The following ITSN1 variants were observed in gnomAD, a reference collection of about 807,000 sequenced individuals.
ITSN1 encodes intersectin 1.
A neutral mutation model predicts 239.8 loss-of-function variants in ITSN1; 58 were observed. The observed-to-expected ratio is 0.24, with a 90% CI of 0.20 to 0.30. The LOEUF is 0.30. Among genes scored for constraint, ITSN1 ranks in the 10% least tolerant of loss-of-function variants. ITSN1 has a pLI of 1.00. For missense variants in ITSN1, 1,558 were observed against 2,103.3 expected (o/e 0.74, Z 5.07); for synonymous variants, 780 against 770.8 (o/e 1.01, Z -0.20).
At chr21:33,686,345 A>AAT (rs1283806275) in intron 1 of ITSN1, among the ~76,000 whole-genome samples, 7 of 152,074 alleles carry the variant, frequency 4.6e-5, no homozygotes, top group South Asian at 4.1e-4. Context: ...TGTCACTAGA[A>AAT]ATATATATAT....
chr21:33,682,547 A>G (rs2146538892), intron 1 of ITSN1, among the ~76,000 whole-genome samples: 1 of 148,508 alleles, frequency 6.7e-6, no homozygotes, highest in African/African-American at 2.5e-5. Context: ...TTTTTTTGAG[A>G]TGGAGCCTCT....
At chr21:33,802,512 A>G (rs776725198) in intron 20 of ITSN1, 68 bp downstream of exon 20, 4 of 1,505,538 alleles carry the variant, frequency 2.7e-6, no homozygotes, top group Non-Finnish European at 3.7e-6. Context: ...AGTCACTTGA[A>G]TTCTGTGTAA....
chr21:33,667,393 G>A (rs142382839), intron 1 of ITSN1, among the ~76,000 whole-genome samples: 2 of 152,014 alleles, frequency 1.3e-5, no homozygotes, highest in African/African-American at 2.4e-5. Context: ...TGCCAATAAT[G>A]AAAAAGCATA....
Position 33,840,159 on chromosome 21 carries a change from A to G in ITSN1, c.3661+3527A>G, listed in dbSNP as rs1462142304. Among the ~76,000 whole-genome samples the G allele has an allele frequency of 3.9e-5, 6 of 152,288 alleles. No homozygotes were observed. The East Asian group carries it at 7.7e-4, about 20-fold the overall frequency. On this transcript the variant is annotated intron_variant, in intron 29 of 39. Coordinates refer to ENST00000381318, the MANE Select transcript of ITSN1 (RefSeq NM_003024.3). ...TTTCAAAATCTTATTCTTGTTTATT[A>G]TCCCCCATACTCTGCACTTTGGTAC...
chr21:33,662,485 T>TA (rs2089635206), intron 1 of ITSN1, among the ~76,000 whole-genome samples: 1 of 152,068 alleles, frequency 6.6e-6, no homozygotes, highest in Non-Finnish European at 1.5e-5. Flanking sequence ...GGTGATGGGG[T>TA]ATTGCCTTTT....
intron 31 of ITSN1, among the ~76,000 whole-genome samples, chr21:33,860,921 C>T (rs1450079654): frequency 6.6e-6 from 1 of 152,158 alleles, no homozygotes; most frequent in Non-Finnish European, 1.5e-5. Flanking sequence ...GTCCCAGGGG[C>T]ACGCCGTCCA....
chr21:33,857,117 G>A (rs2148478368), intron 30 of ITSN1, among the ~76,000 whole-genome samples: 1 of 152,284 alleles, frequency 6.6e-6, no homozygotes, highest in East Asian at 1.9e-4. Flanking sequence ...GCAGTTGATG[G>A]ATGGAGTCAT....
chr21:33,802,307 T>G, intron 19 of ITSN1, 123 bp from the exon 20 acceptor site: 1 of 913,586 alleles, frequency 1.1e-6, no homozygotes, highest in East Asian at 2.6e-5. Flanking sequence ...AACCTTTTCC[T>G]CGAATTGGCT....
chr21:33,760,186 A>G (rs2068206221), intron 8 of ITSN1, among the ~76,000 whole-genome samples: 1 of 152,166 alleles, frequency 6.6e-6, no homozygotes, highest in South Asian at 2.1e-4. Flanking sequence ...TACACTCCAT[A>G]GCAGTGAGGA....
intron 16 of ITSN1, among the ~76,000 whole-genome samples, chr21:33,783,301 T>A (rs912895090): frequency 1.3e-5 from 2 of 152,252 alleles, no homozygotes; most frequent in Non-Finnish European, 2.9e-5. Flanking sequence ...GAAACTTTTA[T>A]AATAGTTGAC....
At chr21:33,737,726 G>A (rs908955381) in intron 5 of ITSN1, among the ~76,000 whole-genome samples, 4 of 151,886 alleles carry the variant, frequency 2.6e-5, no homozygotes, top group East Asian at 2.0e-4. Context: ...GGGACATGCC[G>A]CAACACCCAG....
chr21:33,662,350 A>G (rs2089623742), intron 1 of ITSN1, among the ~76,000 whole-genome samples: 1 of 152,158 alleles, frequency 6.6e-6, no homozygotes, highest in South Asian at 2.1e-4. Flanking sequence ...AAAGTTCCGA[A>G]TTTACAAATC....
chr21:33,875,350 G>A lies in ITSN1; in HGVS notation c.4174-4G>A. 2 of 1,614,098 alleles carry A rather than the reference G, an allele frequency of 1.2e-6. No individual in the cohort carries two copies. Among genetic ancestry groups the A allele is most frequent in the East Asian group, 4.5e-5 (2 of 44,876 alleles). Reference sequence around the variant, plus strand: ...GAGGTGGTTGTTTTTATTCTCCTGTGTAGATCCTGGAAAACACCCCTGAAA... The same window carrying A: ...GAGGTGGTTGTTTTTATTCTCCTGTATAGATCCTGGAAAACACCCCTGAAA... On this transcript the variant is annotated splice_polypyrimidine_tract_variant and splice_region_variant and intron_variant, in intron 33 of 39. Coordinates refer to ENST00000381318, the MANE Select transcript of ITSN1 (RefSeq NM_003024.3).
chr21:33,772,055 C>T lies in ITSN1; in HGVS notation c.1043-6C>T. 1 of 1,613,158 alleles carries T rather than the reference C, an allele frequency of 6.2e-7. No homozygotes were observed. Among genetic ancestry groups the T allele is most frequent in the Non-Finnish European group, 8.5e-7 (1 of 1,179,358 alleles). The stretch of plus-strand genomic sequence containing the variant: ...TTTTCATAGTTGCTGTGTTCCTTGT[C>T]TGAAGTAACGTTTGAAGATAAGAAG... On this transcript the variant is annotated splice_polypyrimidine_tract_variant and splice_region_variant and intron_variant, in intron 11 of 39. Transcript: ENST00000381318.
intron 24 of ITSN1, 40 bp from the exon 25 acceptor site, chr21:33,823,447 A>C (rs759953133): frequency 6.4e-7 from 1 of 1,572,360 alleles, no homozygotes; most frequent in Non-Finnish European, 8.7e-7. Flanking sequence ...TTCTTTAAAC[A>C]ATCAAGCTCT....
intron 29 of ITSN1, among the ~76,000 whole-genome samples, chr21:33,853,821 T>C (rs1401146251): frequency 2.0e-5 from 3 of 151,736 alleles, no homozygotes; most frequent in South Asian, 2.1e-4. Context: ...GGGACTGGAG[T>C]GGGATGCAGG....
At chr21:33,814,378 C>T (rs1327134941) in intron 22 of ITSN1, 1 of 303,384 alleles carries the variant, frequency 3.3e-6, no homozygotes, top group Non-Finnish European at 6.2e-6. Flanking sequence ...GAGAGCCTGC[C>T]TGTCAGACAG....
At chr21:33,682,300 C>T (rs1253225900) in intron 1 of ITSN1, among the ~76,000 whole-genome samples, 1 of 151,478 alleles carries the variant, frequency 6.6e-6, no homozygotes, top group African/African-American at 2.4e-5. Flanking sequence ...ACCGCAACCT[C>T]TGCCTCCCAG....
chr21:33,824,872 A>G (rs1231087969), intron 25 of ITSN1, among the ~76,000 whole-genome samples: 1 of 152,192 alleles, frequency 6.6e-6, no homozygotes, highest in Non-Finnish European at 1.5e-5. Context: ...CCCTTGGAGA[A>G]TCTGGCAGAA....
Sources: allele counts gnomAD v4.1 joint callset (sites outside exome capture counted in the v4.1 genomes callset), GRCh38; gene constraint gnomAD v4.1.1; transcripts MANE v1.5; gene names NCBI Gene and HGNC (gene_info 2026-07-23, HGNC 2026-07-21).